The following ZCCHC7 variants were observed in gnomAD, a reference collection of about 807,000 sequenced individuals.
ZCCHC7 encodes the protein zinc finger CCHC-type containing 7, also known as zinc finger CCHC domain-containing protein 7.
A neutral mutation model predicts 52.0 loss-of-function variants in ZCCHC7; 35 were observed. The observed-to-expected ratio is 0.67, with a 90% confidence interval of 0.51 to 0.89. The LOEUF is 0.89. Ranked by LOEUF, ZCCHC7 falls within the 40% of genes least tolerant of loss-of-function variation. The pLI, the probability that ZCCHC7 is intolerant of heterozygous loss-of-function variation, is 0.00. For missense variants in ZCCHC7, 574 were observed against 649.1 expected (o/e 0.88, Z 1.26); for synonymous variants, 217 against 221.5 (o/e 0.98, Z 0.18).
chr9:37,163,400 A>AAAG (rs1554705128), intron 2 of ZCCHC7, among the ~76,000 whole-genome samples: 15 of 151,656 alleles, frequency 9.9e-5, no homozygotes, highest in East Asian at 1.9e-4. Context: ...AAAAAAAAAA[A>AAAG]AAAAGAAAAG....
At chr9:37,139,401 T>C (rs943001358) in intron 2 of ZCCHC7, among the ~76,000 whole-genome samples, 2 of 152,022 alleles carry the variant, frequency 1.3e-5, no homozygotes, top group Non-Finnish European at 2.9e-5. Flanking sequence ...TGACTTGCTT[T>C]TTAGTTTGAA....
chr9:37,337,189 G>A (rs1830710646), intron 6 of ZCCHC7, among the ~76,000 whole-genome samples: 1 of 152,088 alleles, frequency 6.6e-6, no homozygotes, highest in Non-Finnish European at 1.5e-5. Context: ...GTGGCAAATA[G>A]ATTAAAAAAC....
chr9:37,201,336 G>A (rs1823620769), intron 2 of ZCCHC7, among the ~76,000 whole-genome samples: 1 of 152,182 alleles, frequency 6.6e-6, no homozygotes, highest in Admixed American at 6.5e-5. Context: ...AAAGTAATAT[G>A]TATATGTGCC....
chr9:37,263,181 C>T (rs1826946256), intron 2 of ZCCHC7, among the ~76,000 whole-genome samples: 1 of 151,914 alleles, frequency 6.6e-6, no homozygotes, highest in Non-Finnish European at 1.5e-5. Context: ...TTATTTTAGA[C>T]TCTAGACTTG....
intron 2 of ZCCHC7, among the ~76,000 whole-genome samples, chr9:37,267,353 A>G (rs1023025738): frequency 1.3e-5 from 2 of 152,036 alleles, no homozygotes; most frequent in Admixed American, 1.3e-4. Context: ...TTTTATATTT[A>G]TGATTTCTAT....
chr9:37,186,083 G>A (rs1822638036), intron 2 of ZCCHC7, among the ~76,000 whole-genome samples: 1 of 151,966 alleles, frequency 6.6e-6, no homozygotes, highest in Non-Finnish European at 1.5e-5. Flanking sequence ...CTCTCACACT[G>A]GGATTTTGTG....
At chr9:37,221,343 A>G (rs1824799929) in intron 2 of ZCCHC7, among the ~76,000 whole-genome samples, 1 of 152,202 alleles carries the variant, frequency 6.6e-6, no homozygotes, top group Non-Finnish European at 1.5e-5. Flanking sequence ...AGAAAGAAGA[A>G]TGGCCTTTCA....
intron 2 of ZCCHC7, among the ~76,000 whole-genome samples, chr9:37,185,406 A>C (rs1037720716): frequency 1.3e-5 from 2 of 152,222 alleles, no homozygotes; most frequent in African/African-American, 4.8e-5. Context: ...ATGATGTATT[A>C]TTTTGCATAT....
chr9:37,302,714 A>T (rs772708363), intron 3 of ZCCHC7, among the ~76,000 whole-genome samples: 6 of 152,214 alleles, frequency 3.9e-5, no homozygotes, highest in Non-Finnish European at 8.8e-5. Context: ...AAAAGATGAA[A>T]ACTTTTTTAA....
At chr9:37,161,258 A>G (rs958662996) in intron 2 of ZCCHC7, among the ~76,000 whole-genome samples, 1 of 152,092 alleles carries the variant, frequency 6.6e-6, no homozygotes, top group Non-Finnish European at 1.5e-5. Context: ...CAAGGAATCT[A>G]TATCTTAACA....
At chr9:37,262,887 T>G (rs1474593689) in intron 2 of ZCCHC7, among the ~76,000 whole-genome samples, 1 of 152,336 alleles carries the variant, frequency 6.6e-6, no homozygotes, top group Admixed American at 6.5e-5. Flanking sequence ...CACCCTTGTT[T>G]ACTAAATTCT....
At chr9:37,175,636 G>T (rs549570378) in intron 2 of ZCCHC7, among the ~76,000 whole-genome samples, 12 of 152,250 alleles carry the variant, frequency 7.9e-5, no homozygotes, top group Non-Finnish European at 7.4e-5. Flanking sequence ...ACTCAAGGAG[G>T]CTGAGGCACG....
rs1032640004 is a variant in ZCCHC7 at position 37,307,421 on chromosome 9, C to G, written c.951+1707C>G. Among the ~76,000 whole-genome samples the G allele has an allele frequency of 5.9e-5, 9 of 152,116 alleles. No homozygotes were observed. In the South Asian group the frequency reaches 1.9e-3, roughly 32 times the overall value. On this transcript the variant is annotated intron_variant, in intron 5 of 8. Transcript: ENST00000336755. ...ATTTTATATTAACAGCTAATCAGTA[C>G]AAAGTCATTTTTCATCCTCATACCT...
chr9:37,317,206 T>G (rs1177912748), intron 5 of ZCCHC7, among the ~76,000 whole-genome samples: 1 of 152,182 alleles, frequency 6.6e-6, no homozygotes, highest in East Asian at 1.9e-4. Context: ...CAGATTCACA[T>G]CAGACTTCTC....
intron 2 of ZCCHC7, among the ~76,000 whole-genome samples, chr9:37,176,040 T>G (rs1281221952): frequency 2.0e-5 from 3 of 151,736 alleles, no homozygotes; most frequent in African/African-American, 7.3e-5. Context: ...AAATATTTCT[T>G]AAGCCTCATT....
In ZCCHC7 at chr9:37,189,913, C is replaced by T. The variant is rs998421062; in HGVS notation, c.610+62971C>T. ...CTGTGGTATGTTATTTTAGGATCAA[C>T]CTTATGCAGGCATAGTTTGGAAGGG... On this transcript the variant is annotated intron_variant, in intron 2 of 8. Coordinates refer to ENST00000336755, the MANE Select transcript of ZCCHC7 (RefSeq NM_032226.3). Among the ~76,000 whole-genome samples the T allele has an allele frequency of 3.3e-5, 5 of 152,154 alleles. No homozygotes were observed. In the East Asian group the frequency reaches 7.7e-4, roughly 23 times the overall value.
At chr9:37,202,884 A>G (rs969414267) in intron 2 of ZCCHC7, among the ~76,000 whole-genome samples, 30 of 152,244 alleles carry the variant, frequency 2.0e-4, no homozygotes, top group African/African-American at 7.2e-4. Flanking sequence ...TATTTTTAGG[A>G]AAGTAACTTG....
At chr9:37,353,584 A>G (rs1821521360) in intron 7 of ZCCHC7, among the ~76,000 whole-genome samples, 1 of 152,218 alleles carries the variant, frequency 6.6e-6, no homozygotes, top group Non-Finnish European at 1.5e-5. Flanking sequence ...CAGCTATATC[A>G]GTAATACTTT....
chr9:37,324,692 C>T (rs1830172257), intron 5 of ZCCHC7, among the ~76,000 whole-genome samples: 1 of 152,114 alleles, frequency 6.6e-6, no homozygotes. Context: ...CAAATGCTAG[C>T]ATGTTAGTAA....
Sources: allele counts gnomAD v4.1 joint callset (sites outside exome capture counted in the v4.1 genomes callset), GRCh38; gene constraint gnomAD v4.1.1; transcripts MANE v1.5; gene names NCBI Gene and HGNC (gene_info 2026-07-23, HGNC 2026-07-21).